Variants in EBF1 observed in about 807,000 individuals in gnomAD.
EBF1 encodes the protein transcription factor COE1.
EBF1 carries 10 observed loss-of-function variants against 68.4 expected under a neutral mutation model. That is an observed-to-expected ratio of 0.15 (90% CI 0.09 to 0.25). EBF1 has a LOEUF of 0.25. Among genes scored for constraint, EBF1 ranks in the 10% least tolerant of loss-of-function variants. EBF1 has a pLI of 1.00. For missense variants in EBF1, 509 were observed against 794.4 expected (o/e 0.64, Z 4.32); for synonymous variants, 298 against 299.8 (o/e 0.99, Z 0.06).
chr5:158,892,464 G>A (rs1183711520), intron 6 of EBF1, among the ~76,000 whole-genome samples: 1 of 152,070 alleles, frequency 6.6e-6, no homozygotes, highest in East Asian at 1.9e-4. Context: ...ATTCCATCCT[G>A]GATGACGAAA....
rs145274138 is a variant in EBF1 at position 158,886,494 on chromosome 5, G to T, written c.555-46384C>A. Among the ~76,000 whole-genome samples, 558 of 152,284 alleles carry T rather than the reference G, an allele frequency of 3.7e-3. 5 individuals carry two copies. Among genetic ancestry groups the T allele is most frequent in the African/African-American group, 0.013 (536 of 41,562 alleles). ...TGTACAGATTTGGGGGTAAAAGAGG[G>T]TTTTCACCGCATGGAACTCCAATCC... is the stretch of plus-strand genomic sequence containing the variant. On this transcript the variant is annotated intron_variant, in intron 6 of 15. Coordinates refer to ENST00000313708, the MANE Select transcript of EBF1 (RefSeq NM_024007.5).
At chr5:158,699,780 G>A (rs1001091018) in intron 15 of EBF1, among the ~76,000 whole-genome samples, 4 of 152,176 alleles carry the variant, frequency 2.6e-5, no homozygotes, top group Non-Finnish European at 2.9e-5. Context: ...TCCATATCAC[G>A]GCTTCACTCA....
At position 158,840,645 on chromosome 5, in the gene EBF1, G is replaced by GTT. The variant is rs534374216; in HGVS notation, c.555-537_555-536dup. 3.2e-3 allele frequency among the ~76,000 whole-genome samples: 209 copies of GTT among 64,820 alleles called. 31 individuals carry two copies. The highest frequency in any genetic ancestry group is 9.7e-3 in the East Asian group (18 of 1,850). The allele number at this position is 64,820 out of a possible 152,430, so 42.5% of individuals were successfully genotyped here. ...TCCTTTGACTTCTCAAATACCTCCT[G>GTT]TTTTTTTTTTTTTTTTTTTTTTTTT... is the stretch of plus-strand genomic sequence containing the variant. On this transcript the variant is annotated intron_variant, in intron 6 of 15. Transcript: ENST00000313708.
At chr5:158,892,936 A>T (rs1801464344) in intron 6 of EBF1, among the ~76,000 whole-genome samples, 1 of 152,092 alleles carries the variant, frequency 6.6e-6, no homozygotes, top group Non-Finnish European at 1.5e-5. Context: ...CTTTATACAT[A>T]AGGTTATTCC....
intron 7 of EBF1, among the ~76,000 whole-genome samples, chr5:158,836,691 G>A (rs1018686756): frequency 2.0e-5 from 3 of 152,182 alleles, no homozygotes; most frequent in African/African-American, 7.2e-5. Flanking sequence ...ATGTATTAAT[G>A]TACAGGGATA....
chr5:158,756,615 C>T (rs1470433609), intron 10 of EBF1, among the ~76,000 whole-genome samples: 1 of 151,766 alleles, frequency 6.6e-6, no homozygotes, highest in African/African-American at 2.4e-5. Flanking sequence ...GACTTTAACT[C>T]TCTGCCAGTC....
At position 159,009,247 on chromosome 5, in the gene EBF1, T is replaced by C. The variant is rs1036860101; in HGVS notation, c.554+64149A>G. 2.0e-5 allele frequency among the ~76,000 whole-genome samples: 3 copies of C among 152,252 alleles called. No individual in the cohort carries two copies. The East Asian group carries it at 5.8e-4, about 29-fold the overall frequency. ...TTCAGATAATCCTGTGTCCACTTTG[T>C]GGTTCTGTCTGTCCAACAAAGAGCG... On this transcript the variant is annotated intron_variant, in intron 6 of 15. Transcript: ENST00000313708.
chr5:158,966,475 G>C (rs1754148658), intron 6 of EBF1, among the ~76,000 whole-genome samples: 1 of 152,090 alleles, frequency 6.6e-6, no homozygotes, highest in African/African-American at 2.4e-5. Flanking sequence ...ATCTCAGACA[G>C]CATCAATTCT....
intron 6 of EBF1, among the ~76,000 whole-genome samples, chr5:159,070,551 C>A (rs923890575): frequency 6.6e-6 from 1 of 152,148 alleles, no homozygotes; most frequent in Non-Finnish European, 1.5e-5. Flanking sequence ...GCACTATGAC[C>A]AGAAAGTCTC....
At chr5:158,853,380 T>A (rs1793356872) in intron 6 of EBF1, among the ~76,000 whole-genome samples, 1 of 152,218 alleles carries the variant, frequency 6.6e-6, no homozygotes, top group African/African-American at 2.4e-5. Flanking sequence ...GTCTCAGGAT[T>A]TTTGTTTGGG....
chr5:158,836,628 C>T (rs1001197750), intron 7 of EBF1, among the ~76,000 whole-genome samples: 5 of 152,132 alleles, frequency 3.3e-5, no homozygotes, highest in Non-Finnish European at 5.9e-5. Context: ...CACAAATATC[C>T]ATGCACCTGC....
intron 5 of EBF1, among the ~76,000 whole-genome samples, chr5:159,078,830 T>G (rs1184224009): frequency 6.6e-6 from 1 of 152,200 alleles, no homozygotes; most frequent in East Asian, 1.9e-4. Context: ...AAAGCGAACT[T>G]ATGAGTCTCT....
intron 10 of EBF1, among the ~76,000 whole-genome samples, chr5:158,741,534 T>A (rs1050648877): frequency 6.7e-6 from 1 of 148,594 alleles, no homozygotes; most frequent in African/African-American, 2.5e-5. Flanking sequence ...ATGATTTCAC[T>A]ACTGCCCTCC....
intron 6 of EBF1, among the ~76,000 whole-genome samples, chr5:158,912,746 G>A (rs1806283784): frequency 6.6e-6 from 1 of 152,064 alleles, no homozygotes; most frequent in Admixed American, 6.6e-5. Flanking sequence ...CCTCCACTAT[G>A]CCTAATTCCA....
intron 10 of EBF1, among the ~76,000 whole-genome samples, chr5:158,738,191 T>G (rs1765610272): frequency 6.6e-6 from 1 of 152,196 alleles, no homozygotes; most frequent in Non-Finnish European, 1.5e-5. Context: ...CTTTTTGATG[T>G]TTGTAGCTTA....
intron 10 of EBF1, among the ~76,000 whole-genome samples, chr5:158,736,137 G>A (rs567274993): frequency 3.3e-5 from 5 of 152,184 alleles, no homozygotes; most frequent in African/African-American, 1.2e-4. Context: ...TCAAATAAAG[G>A]AAATTCTCTG....
chr5:159,007,184 T>G (rs570936534), intron 6 of EBF1, among the ~76,000 whole-genome samples: 21 of 152,044 alleles, frequency 1.4e-4, no homozygotes, highest in Non-Finnish European at 2.8e-4. Flanking sequence ...ATAAAGAATG[T>G]CATCTAATGT....
intron 6 of EBF1, among the ~76,000 whole-genome samples, chr5:159,054,848 A>G (rs1446730109): frequency 6.6e-6 from 1 of 152,238 alleles, no homozygotes; most frequent in Non-Finnish European, 1.5e-5. Flanking sequence ...TTTTGGGGTT[A>G]CTATCTCACA....
intron 10 of EBF1, among the ~76,000 whole-genome samples, chr5:158,768,857 C>T (rs1773309296): frequency 6.6e-6 from 1 of 152,028 alleles, no homozygotes; most frequent in Middle Eastern, 3.4e-3. Context: ...TCATGATGTT[C>T]GGTTTAAAAA....
Sources: allele counts gnomAD v4.1 joint callset (sites outside exome capture counted in the v4.1 genomes callset), GRCh38; gene constraint gnomAD v4.1.1; transcripts MANE v1.5; gene names NCBI Gene and HGNC (gene_info 2026-07-23, HGNC 2026-07-21).